Variants in TRIM37 observed in about 807,000 individuals in gnomAD.
TRIM37 encodes tripartite motif containing 37.
TRIM37 carries 80 observed loss-of-function variants against 129.8 expected under a neutral mutation model. That is an observed-to-expected ratio of 0.62 (90% CI 0.51 to 0.74). The LOEUF is 0.74. Among genes scored for constraint, TRIM37 ranks in the 30% least tolerant of loss-of-function variants. The pLI is 0.00. For synonymous variants in TRIM37, 389 were observed against 387.1 expected (o/e 1.00, Z -0.06); for missense variants, 1,054 against 1,176.5 (o/e 0.90, Z 1.52).
chr17:59,039,310 T>C (rs1008838808), intron 17 of TRIM37, among the ~76,000 whole-genome samples: 1 of 151,932 alleles, frequency 6.6e-6, no homozygotes, highest in African/African-American at 2.4e-5. Context: ...TTTTAGTCTT[T>C]GCCAGAGGCC....
intron 4 of TRIM37, 47 bp from the exon 5 acceptor site, chr17:59,084,136 T>G (rs2043548515): frequency 7.0e-7 from 1 of 1,435,704 alleles, no homozygotes; most frequent in South Asian, 1.1e-5. Flanking sequence ...AATTGGAACA[T>G]AATCACCTCC....
intron 9 of TRIM37, among the ~76,000 whole-genome samples, chr17:59,064,955 G>C (rs1008183760): frequency 5.9e-5 from 9 of 152,154 alleles, no homozygotes; most frequent in African/African-American, 1.9e-4. Context: ...GGAGGCTGAG[G>C]CACGAGAATC....
intron 9 of TRIM37, among the ~76,000 whole-genome samples, chr17:59,069,607 CT>C (rs1376695968): frequency 2.0e-5 from 3 of 152,120 alleles, no homozygotes; most frequent in Non-Finnish European, 4.4e-5. Flanking sequence ...GGCTTCACCC[CT>C]CATCATAGAA....
At chr17:58,995,636 A>G (rs2032913882), downstream of TRIM37, among the ~76,000 whole-genome samples, 1 of 152,228 alleles carries the variant, frequency 6.6e-6, no homozygotes, top group Non-Finnish European at 1.5e-5. Flanking sequence ...GCATTCTAAC[A>G]AAAAACATAG....
In TRIM37 at chr17:59,056,511, C is replaced by T. The variant is rs983063266; in HGVS notation, c.1199+364G>A. ...TTGGGAGGCCGAGGCGGGCGGATCACGAGGTCAGGAGATCGAGACCATCCT... is the reference window on the plus strand; with the variant it reads ...TTGGGAGGCCGAGGCGGGCGGATCATGAGGTCAGGAGATCGAGACCATCCT... On this transcript the variant is annotated intron_variant, in intron 13 of 23. Coordinates refer to ENST00000262294, the MANE Select transcript of TRIM37 (RefSeq NM_015294.6). 7.3e-5 allele frequency among the ~76,000 whole-genome samples: 11 copies of T among 151,620 alleles called. No homozygotes were observed. In the South Asian group the frequency reaches 1.0e-3, roughly 14 times the overall value.
exon 25 of TRIM37, chr17:58,982,690 T>TGTAA: frequency 4.1e-6 from 2 of 485,104 alleles, no homozygotes; most frequent in Non-Finnish European, 7.3e-6. Flanking sequence ...AAAATTTGGA[T>TGTAA]GTAAGTAGAG....
In TRIM37 at chr17:58,999,475, A is replaced by C. The variant is rs1242330461; in HGVS notation, c.2813-16T>G. 1 of 1,592,330 alleles carries C rather than the reference A, an allele frequency of 6.3e-7. No homozygotes were observed. Among genetic ancestry groups the C allele is most frequent in the South Asian group, 1.1e-5 (1 of 87,490 alleles). ...GAATGTGTATCTATGATTAAAAAAT[A>C]AATAAAAAATTTAAAATTTAAAAGC... On this transcript the variant is annotated splice_polypyrimidine_tract_variant and intron_variant, in intron 23 of 23. Coordinates refer to ENST00000262294, the MANE Select transcript of TRIM37 (RefSeq NM_015294.6).
chr17:59,091,814 G>C (rs1057416158), intron 2 of TRIM37, among the ~76,000 whole-genome samples: 6 of 150,966 alleles, frequency 4.0e-5, no homozygotes, highest in Non-Finnish European at 8.8e-5. Flanking sequence ...GCTGTTAAAA[G>C]GCTACTCTCA....
intron 2 of TRIM37, among the ~76,000 whole-genome samples, chr17:59,100,020 T>TCGA (rs2045311240): frequency 6.6e-6 from 1 of 152,104 alleles, no homozygotes; most frequent in South Asian, 2.1e-4. Context: ...CAAGCTGGTC[T>TCGA]CGAACTCCCG....
chr17:59,090,652 G>A lies in TRIM37; in HGVS notation c.164+648C>T, dbSNP rs181521330. On this transcript the variant is annotated intron_variant, in intron 3 of 23. Coordinates refer to ENST00000262294, the MANE Select transcript of TRIM37 (RefSeq NM_015294.6). ...CTCTCGCTCTGTGGCCCAGGCTGGA[G>A]TGCAGTGGCGTGACCTTGGCTCAAG... 7.9e-5 allele frequency among the ~76,000 whole-genome samples: 12 copies of A among 152,164 alleles called. No individual in the cohort carries two copies. The East Asian group carries it at 2.1e-3, about 27-fold the overall frequency.
chr17:59,050,756 G>T (rs2040259148), intron 14 of TRIM37, among the ~76,000 whole-genome samples: 1 of 152,210 alleles, frequency 6.6e-6, no homozygotes, highest in Non-Finnish European at 1.5e-5. Flanking sequence ...GAGGTGGGCA[G>T]ATCACGAGGT....
Position 59,041,839 on chromosome 17 carries a change from T to G in TRIM37, c.1727A>C (p.Glu576Ala), listed in dbSNP as rs1248322645. The G allele has an allele frequency of 6.2e-7, 1 of 1,613,960 alleles. No homozygotes were observed. The highest frequency in any genetic ancestry group is 2.2e-5 in the East Asian group (1 of 44,868). ...NMELEEGELM[E>A]DAAAAGPAGS... ...TGCGGGTCCTGCAGCAGCTGCATCT[T>G]CCATGAGTTCTCCCTCTTCTAATTC... is the stretch of plus-strand genomic sequence containing the variant. The change falls in exon 17 of 24, where the codon GAA becomes GCA. Residue 576 changes from glutamate (E) to alanine (A), a missense_variant. Glu to Ala is a moderately radical substitution (Grantham distance 107). Coordinates refer to ENST00000262294, the MANE Select transcript of TRIM37 (RefSeq NM_015294.6).
chr17:59,008,955 C>T (rs1024845067), intron 22 of TRIM37, among the ~76,000 whole-genome samples: 6 of 152,096 alleles, frequency 3.9e-5, no homozygotes, highest in African/African-American at 1.4e-4. Flanking sequence ...CATGATCTGG[C>T]CTCTGGTCTG....
intron 4 of TRIM37, among the ~76,000 whole-genome samples, chr17:59,085,394 T>C (rs755418576): frequency 4.6e-5 from 7 of 151,870 alleles, no homozygotes; most frequent in Non-Finnish European, 1.0e-4. Context: ...ACTCAACAAA[T>C]AAACTTTAAA....
At chr17:59,087,737 G>A (rs200629768) in intron 4 of TRIM37, among the ~76,000 whole-genome samples, 2,831 of 152,158 alleles carry the variant, frequency 0.019, 93 homozygotes, top group African/African-American at 0.065. Context: ...AAACATTCAG[G>A]GGTCCTGGAA....
chr17:59,081,279 T>C, intron 5 of TRIM37, 60 bp from the exon 6 acceptor site: 1 of 1,588,454 alleles, frequency 6.3e-7, no homozygotes. Flanking sequence ...TTTACATTCC[T>C]TTGTAACACT....
At chr17:58,992,530 G>A (rs879531790) in intron 24 of TRIM37, among the ~76,000 whole-genome samples, 2 of 151,630 alleles carry the variant, frequency 1.3e-5, no homozygotes, top group Non-Finnish European at 2.9e-5. Context: ...ACAGGCATGC[G>A]CCACCACGCC....
downstream of TRIM37, chr17:58,982,125 G>T (rs996066834): frequency 6.6e-5 from 10 of 152,654 alleles, no homozygotes; most frequent in Non-Finnish European, 2.9e-5. Flanking sequence ...TGAGAATGCA[G>T]ATTACTGACA....
chr17:59,058,516 G>A lies in TRIM37; in HGVS notation c.1020-1462C>T, dbSNP rs141066455. Among the ~76,000 whole-genome samples the A allele has an allele frequency of 3.0e-3, 450 of 152,084 alleles. 4 individuals carry two copies. The highest frequency in any genetic ancestry group is 0.011 in the African/African-American group (436 of 41,488). On this transcript the variant is annotated intron_variant, in intron 12 of 23. Transcript: ENST00000262294. ...TTACCTATGTAACAAACCTTCATAC[G>A]TAACACCAAACCTAAAATAAAAGTT...
Sources: gnomAD v4.1 joint callset for allele counts (sites outside exome capture counted in the v4.1 genomes callset) on GRCh38, gnomAD v4.1.1 for gene constraint, MANE v1.5 for transcripts, NCBI Gene and HGNC (gene_info 2026-07-23, HGNC 2026-07-21) for gene names.